Variants in SDCCAG8 observed in about 807,000 individuals in gnomAD.
SDCCAG8 encodes serologically defined colon cancer antigen 8.
Under a neutral mutation model 101.8 loss-of-function variants are expected in SDCCAG8, and 74 were observed. The observed-to-expected ratio is 0.73, with a 90% CI of 0.60 to 0.88. The LOEUF is 0.88. Ranked by LOEUF, SDCCAG8 falls within the 40% of genes least tolerant of loss-of-function variation. The probability of loss-of-function intolerance (pLI) is 0.00; values close to 1 mark genes in which losing one functional copy is unlikely to be tolerated. For synonymous variants in SDCCAG8, 281 were observed against 292.9 expected (o/e 0.96, Z 0.41); for missense variants, 787 against 822.6 (o/e 0.96, Z 0.53).
chr1:243,492,490 A>T (rs545361205), intron 17 of SDCCAG8, among the ~76,000 whole-genome samples: 1 of 149,452 alleles, frequency 6.7e-6, no homozygotes, highest in African/African-American at 2.5e-5. Context: ...TTTTAATAGA[A>T]ACGGGGTTTC....
At chr1:243,414,874 T>TGCGC (rs1553347470) in intron 13 of SDCCAG8, among the ~76,000 whole-genome samples, 2 of 149,206 alleles carry the variant, frequency 1.3e-5, no homozygotes, top group Admixed American at 6.6e-5. Context: ...TGTGTGTGTG[T>TGCGC]GCACATGTAC....
intron 4 of SDCCAG8, among the ~76,000 whole-genome samples, chr1:243,282,829 G>T (rs1298233826): frequency 2.0e-5 from 3 of 151,900 alleles, no homozygotes; most frequent in Non-Finnish European, 4.4e-5. Flanking sequence ...TTTTTTGTTT[G>T]TTTGATTTTT....
In SDCCAG8 at chr1:243,308,173, G is replaced by A. The variant is rs149359674; in HGVS notation, c.925G>A (p.Val309Ile). 1.3e-4 allele frequency: 202 copies of A among 1,614,116 alleles called. No homozygotes were observed. The African/African-American group carries it at 2.5e-3, about 20-fold the overall frequency. Residue 309 changes from valine (V) to isoleucine (I), a missense_variant, in exon 8 of 18, where the codon GTT becomes ATT. Physicochemically the swap from Val to Ile is conservative, Grantham distance 29. Coordinates refer to ENST00000366541, the MANE Select transcript of SDCCAG8 (RefSeq NM_006642.5). The stretch of plus-strand genomic sequence containing the variant: ...TCATATGCAGACCATCGAAAGACTG[G>A]TTAAGTAAGTATGCTTCTACGCGCA... ...NVHMQTIERL[V>I]KERDDLMSAL...
At chr1:243,287,683 A>C (rs1022808856) in intron 5 of SDCCAG8, among the ~76,000 whole-genome samples, 1 of 152,128 alleles carries the variant, frequency 6.6e-6, no homozygotes, top group Non-Finnish European at 1.5e-5. Flanking sequence ...AATTTGAGGA[A>C]GATATCACCA....
intron 7 of SDCCAG8, 124 bp from the exon 8 acceptor site, chr1:243,307,865 A>G: frequency 6.5e-7 from 1 of 1,543,430 alleles, no homozygotes; most frequent in East Asian, 2.4e-5. Flanking sequence ...AAGGTATTGG[A>G]CGTAAACTAA....
At position 243,385,262 on chromosome 1, in the gene SDCCAG8, C is replaced by T. The variant is rs536171230; in HGVS notation, c.1616+6399C>T. ...AACATTAGCTGGGCATGGTGGTGCG[C>T]GCCTATAGTCCCAGCTGCTCTGGAG... On this transcript the variant is annotated intron_variant, in intron 13 of 17. Transcript: ENST00000366541. Among the ~76,000 whole-genome samples the T allele has an allele frequency of 2.4e-3, 367 of 151,944 alleles. 1 individual carries two copies. Among genetic ancestry groups the T allele is most frequent in the African/African-American group, 8.7e-3 (359 of 41,442 alleles).
At chr1:243,497,344 G>C (rs935684384) in intron 17 of SDCCAG8, among the ~76,000 whole-genome samples, 1 of 143,072 alleles carries the variant, frequency 7.0e-6, no homozygotes, top group Non-Finnish European at 1.5e-5. Flanking sequence ...GGGTGGGGGG[G>C]GGGGCGTTGA....
intron 17 of SDCCAG8, among the ~76,000 whole-genome samples, chr1:243,498,440 T>A (rs74777638): frequency 6.6e-6 from 1 of 152,022 alleles, no homozygotes; most frequent in Non-Finnish European, 1.5e-5. Context: ...GTGCATGGGA[T>A]GGCAGGTTTA....
At chr1:243,317,185 A>G (rs1389677720) in intron 9 of SDCCAG8, among the ~76,000 whole-genome samples, 1 of 152,216 alleles carries the variant, frequency 6.6e-6, no homozygotes, top group East Asian at 1.9e-4. Context: ...GCAATGCTGC[A>G]AAAATCTTAA....
intron 9 of SDCCAG8, among the ~76,000 whole-genome samples, chr1:243,325,335 A>G (rs2074073797): frequency 6.6e-6 from 1 of 152,192 alleles, no homozygotes; most frequent in South Asian, 2.1e-4. Context: ...AATGTATTGC[A>G]AGTCTAGTAC....
chr1:243,452,395 C>T (rs1012450128), intron 16 of SDCCAG8, among the ~76,000 whole-genome samples: 1 of 150,808 alleles, frequency 6.6e-6, no homozygotes, highest in African/African-American at 2.4e-5. Flanking sequence ...TTCTCCCTAC[C>T]CTTGAGATGA....
At chr1:243,482,528 T>C (rs1021148201) in intron 16 of SDCCAG8, among the ~76,000 whole-genome samples, 1 of 152,150 alleles carries the variant, frequency 6.6e-6, no homozygotes, top group Middle Eastern at 3.2e-3. Context: ...TCCCTCAGGG[T>C]CCCCAGTCCT....
chr1:243,350,059 A>G (rs1016528023), intron 12 of SDCCAG8, among the ~76,000 whole-genome samples: 1 of 152,232 alleles, frequency 6.6e-6, no homozygotes, highest in South Asian at 2.1e-4. Flanking sequence ...GCACTTGGAC[A>G]CTGACATTAA....
intron 12 of SDCCAG8, 95 bp from the exon 13 acceptor site, chr1:243,378,626 A>G: frequency 7.3e-7 from 1 of 1,370,638 alleles, no homozygotes; most frequent in Non-Finnish European, 1.0e-6. Flanking sequence ...TTTTTTATCA[A>G]ATTGAAATTC....
At chr1:243,376,533 T>C (rs1438354484) in intron 12 of SDCCAG8, among the ~76,000 whole-genome samples, 1 of 152,214 alleles carries the variant, frequency 6.6e-6, no homozygotes, top group African/African-American at 2.4e-5. Context: ...CAGTGTAAGG[T>C]ACATATGTTG....
At chr1:243,294,496 A>AAAGAGC (rs2070623463) in intron 6 of SDCCAG8, among the ~76,000 whole-genome samples, 2 of 134,978 alleles carry the variant, frequency 1.5e-5, no homozygotes, top group East Asian at 4.5e-4. Context: ...AGAGAGAGAG[A>AAAGAGC]GAGAAAGAGC....
chr1:243,356,701 C>T (rs1415133564), intron 12 of SDCCAG8, among the ~76,000 whole-genome samples: 1 of 152,094 alleles, frequency 6.6e-6, no homozygotes, highest in African/African-American at 2.4e-5. Flanking sequence ...AAAATAACTT[C>T]ATGCTAGACA....
intron 1 of SDCCAG8, among the ~76,000 whole-genome samples, chr1:243,257,086 A>G (rs3897821): frequency 0.29 from 44,840 of 152,094 alleles, 6,914 homozygotes; most frequent in South Asian, 0.53. Context: ...GGAATTGTCC[A>G]TAGGGTTATT....
chr1:243,337,632 G>A (rs1042507818), intron 10 of SDCCAG8, among the ~76,000 whole-genome samples: 2 of 152,150 alleles, frequency 1.3e-5, no homozygotes, highest in African/African-American at 4.8e-5. Flanking sequence ...AATACATCAA[G>A]AATTGATAGG....
Sources: allele counts gnomAD v4.1 joint callset (sites outside exome capture counted in the v4.1 genomes callset), GRCh38; gene constraint gnomAD v4.1.1; transcripts MANE v1.5; gene names NCBI Gene and HGNC (gene_info 2026-07-23, HGNC 2026-07-21).